Variants in SHISAL1 observed in about 807,000 individuals in gnomAD.
SHISAL1 encodes protein shisa-like-1.
Under a neutral mutation model 22.6 loss-of-function variants are expected in SHISAL1, and 9 were observed. The ratio of observed to expected loss-of-function variants is 0.40; its 90% CI spans 0.24 to 0.70. SHISAL1 has a LOEUF of 0.70. SHISAL1 is among the 30% of genes least tolerant of loss of function. SHISAL1 has a pLI of 0.39. For missense variants in SHISAL1, 246 were observed against 270.6 expected (o/e 0.91, Z 0.64); for synonymous variants, 119 against 115.4 (o/e 1.03, Z -0.20).
intron 3 of SHISAL1, among the ~76,000 whole-genome samples, chr22:44,288,315 T>C (rs1213131213): frequency 6.6e-6 from 1 of 152,206 alleles, no homozygotes; most frequent in Non-Finnish European, 1.5e-5. Flanking sequence ...CTGCCTTGGC[T>C]GCGGCCACCC....
intron 1 of SHISAL1, among the ~76,000 whole-genome samples, chr22:44,304,166 A>T (rs535758137): frequency 1.1e-4 from 17 of 152,274 alleles, no homozygotes; most frequent in African/African-American, 4.1e-4. Context: ...AGCAGAGGGG[A>T]CACCAACCTG....
chr22:44,296,199 C>T (rs1298624983), intron 3 of SHISAL1, among the ~76,000 whole-genome samples: 1 of 142,408 alleles, frequency 7.0e-6, no homozygotes, highest in Non-Finnish European at 1.5e-5. Flanking sequence ...ACTCTTGTCA[C>T]CCAGGCTGGA....
At chr22:44,266,550 GTGTGTGTGTTGGAGGGCTCTGGTGTGTA>G (rs1453387574) in intron 4 of SHISAL1, among the ~76,000 whole-genome samples, 10 of 147,514 alleles carry the variant, frequency 6.8e-5, no homozygotes, top group African/African-American at 1.3e-4. Context: ...GTGTGTGTGT[GTGTGTGTGTTGGAGGGCTCTGGTGTGTA>G]TGTGTGTGTT....
intron 1 of SHISAL1, among the ~76,000 whole-genome samples, chr22:44,307,499 A>C (rs1231978138): frequency 6.6e-6 from 1 of 152,130 alleles, no homozygotes; most frequent in Non-Finnish European, 1.5e-5. Context: ...AGACAGATTA[A>C]ATTTATCCTC....
intron 4 of SHISAL1, among the ~76,000 whole-genome samples, chr22:44,268,398 T>G (rs968487005): frequency 1.3e-5 from 2 of 152,186 alleles, no homozygotes; most frequent in African/African-American, 4.8e-5. Context: ...ATTAGCCAGA[T>G]AGAAGGTCAA....
chr22:44,304,735 C>T (rs1464350407), intron 1 of SHISAL1, among the ~76,000 whole-genome samples: 2 of 152,144 alleles, frequency 1.3e-5, no homozygotes, highest in Non-Finnish European at 2.9e-5. Context: ...CTGGAAAATG[C>T]GCTGTGGGAG....
At chr22:44,324,791 C>T in the SHISAL1 span, among the ~76,000 whole-genome samples, 1 of 152,172 alleles carries the variant, frequency 6.6e-6, no homozygotes, top group Non-Finnish European at 1.5e-5. Context: ...TCCCTCTGGC[C>T]CGTTGTCCTG....
chr22:44,316,478 G>A (rs2055559316), upstream of SHISAL1, among the ~76,000 whole-genome samples: 1 of 152,178 alleles, frequency 6.6e-6, no homozygotes, highest in Admixed American at 6.5e-5. Context: ...ACTCAAGGAA[G>A]AGCTGCTGGG....
chr22:44,317,155 G>A (rs1291236294), upstream of SHISAL1, among the ~76,000 whole-genome samples: 1 of 152,184 alleles, frequency 6.6e-6, no homozygotes, highest in Non-Finnish European at 1.5e-5. Flanking sequence ...CCACTTCTGG[G>A]GGTTAATGAG....
intron 3 of SHISAL1, among the ~76,000 whole-genome samples, chr22:44,286,785 G>C (rs1025585652): frequency 2.6e-5 from 4 of 152,228 alleles, no homozygotes; most frequent in Admixed American, 6.5e-5. Flanking sequence ...ATGGTGTCCA[G>C]GGCTTGCCAC....
intron 4 of SHISAL1, among the ~76,000 whole-genome samples, chr22:44,264,133 T>C (rs546231344): frequency 2.2e-4 from 34 of 152,312 alleles, no homozygotes; most frequent in African/African-American, 8.2e-4. Flanking sequence ...GGAACCTTCA[T>C]CTTTTGCTTC....
intron 4 of SHISAL1, among the ~76,000 whole-genome samples, chr22:44,265,444 CTGAG>C (rs1485714336): frequency 1.3e-5 from 2 of 152,098 alleles, no homozygotes; most frequent in East Asian, 3.9e-4. Context: ...TACCAGCCAC[CTGAG>C]TGAGCTGAGA....
chr22:44,306,316 G>A (rs1392471906), intron 1 of SHISAL1, among the ~76,000 whole-genome samples: 2 of 112,212 alleles, frequency 1.8e-5, no homozygotes, highest in Non-Finnish European at 4.3e-5. Context: ...CTGTGATGAC[G>A]ATGGCATGTG....
chr22:44,320,391 T>C, the SHISAL1 span, among the ~76,000 whole-genome samples: 1 of 152,078 alleles, frequency 6.6e-6, no homozygotes, highest in Admixed American at 6.5e-5. Flanking sequence ...GCATTGGGGA[T>C]AAGTGGGCCA....
intron 4 of SHISAL1, among the ~76,000 whole-genome samples, chr22:44,278,162 C>T (rs111807489): frequency 0.074 from 11,255 of 152,180 alleles, 935 homozygotes; most frequent in Admixed American, 0.17. Flanking sequence ...GTGGCCTGAA[C>T]ATAAAACAGG....
At chr22:44,331,506 C>A in the SHISAL1 span, among the ~76,000 whole-genome samples, 1 of 150,932 alleles carries the variant, frequency 6.6e-6, no homozygotes, top group Non-Finnish European at 1.5e-5. This position sits in a 1 kb window ranked among gnomAD's most constrained non-coding sequence, Gnocchi z 5.2. Flanking sequence ...TCGTGCCCGC[C>A]GCCCGCTCGT....
intron 4 of SHISAL1, among the ~76,000 whole-genome samples, chr22:44,284,381 G>A (rs1294934214): frequency 6.6e-6 from 1 of 152,108 alleles, no homozygotes; most frequent in African/African-American, 2.4e-5. Flanking sequence ...CCGAAGTCAA[G>A]GAGCAGGTAA....
chr22:44,292,119 G>T (rs1754622722), intron 3 of SHISAL1, among the ~76,000 whole-genome samples: 1 of 152,224 alleles, frequency 6.6e-6, no homozygotes. Flanking sequence ...TAAATCATCA[G>T]AAGCGCTCTC....
At position 44,249,510 on chromosome 22, in the gene SHISAL1, C is replaced by G; in HGVS notation, c.*175G>C. The G allele has an allele frequency of 1.4e-5, 7 of 508,818 alleles. No homozygotes were observed. Among genetic ancestry groups the G allele is most frequent in the East Asian group, 6.7e-5 (2 of 29,678 alleles). The allele number at this position is 508,818 out of a possible 1,614,324, so 31.5% of individuals were successfully genotyped here. ...CCCCCAGCCCCTACCCCTGAGTTTGCTCCTAATCTTAGAAGTCCGCGGAAG... is the reference window on the plus strand; with the variant it reads ...CCCCCAGCCCCTACCCCTGAGTTTGGTCCTAATCTTAGAAGTCCGCGGAAG... On this transcript the variant is annotated 3_prime_UTR_variant, in exon 5 of 5. Transcript: ENST00000381176.
Sources: gnomAD v4.1 joint callset for allele counts (sites outside exome capture counted in the v4.1 genomes callset) on GRCh38, gnomAD v4.1.1 for gene constraint, Gnocchi (gnomAD v3.1) non-coding constraint, MANE v1.5 for transcripts, NCBI Gene and HGNC (gene_info 2026-07-23, HGNC 2026-07-21) for gene names.